PLCH1: variants seen among roughly 807,000 people sequenced by gnomAD.
PLCH1 encodes the protein 1-phosphatidylinositol 4,5-bisphosphate phosphodiesterase eta-1.
PLCH1 carries 60 observed loss-of-function variants against 126.7 expected under a neutral mutation model. That is an observed-to-expected ratio of 0.47 (90% CI 0.38 to 0.59). The LOEUF is 0.59. PLCH1 is among the 20% of genes least tolerant of loss of function. The pLI, the probability that PLCH1 is intolerant of heterozygous loss-of-function variation, is 0.00. For synonymous variants in PLCH1, 719 were observed against 734.9 expected (o/e 0.98, Z 0.35); for missense variants, 1,723 against 2,040.0 (o/e 0.84, Z 2.99).
At chr3:155,565,340 A>G (rs147615703) in intron 7 of PLCH1, among the ~76,000 whole-genome samples, 11 of 152,126 alleles carry the variant, frequency 7.2e-5, no homozygotes, top group Non-Finnish European at 1.6e-4. Context: ...ATAATCCCCT[A>G]TGTTGGAGGT....
At chr3:155,707,856 T>C (rs1462545664) in intron 1 of PLCH1, among the ~76,000 whole-genome samples, 1 of 152,128 alleles carries the variant, frequency 6.6e-6, no homozygotes, top group African/African-American at 2.4e-5. Context: ...ATATATGTAA[T>C]ATTCACATAC....
chr3:155,535,919 A>G (rs1454878551), intron 10 of PLCH1, among the ~76,000 whole-genome samples: 1 of 152,212 alleles, frequency 6.6e-6, no homozygotes, highest in Non-Finnish European at 1.5e-5. Context: ...ACCCTCACAG[A>G]GTCTACTTCA....
At chr3:155,686,888 T>G (rs760862420) in intron 2 of PLCH1, among the ~76,000 whole-genome samples, 2 of 152,200 alleles carry the variant, frequency 1.3e-5, no homozygotes, top group African/African-American at 2.4e-5. Context: ...ATGAACCTTA[T>G]AGTATAACCA....
At chr3:155,501,876 T>C (rs1414699575) in intron 13 of PLCH1, among the ~76,000 whole-genome samples, 1 of 152,148 alleles carries the variant, frequency 6.6e-6, no homozygotes. Flanking sequence ...GAAAATGCAG[T>C]GTCTACAAAC....
intron 1 of PLCH1, among the ~76,000 whole-genome samples, chr3:155,718,617 C>T (rs1747700692): frequency 6.6e-6 from 1 of 152,094 alleles, no homozygotes; most frequent in Non-Finnish European, 1.5e-5. Flanking sequence ...GCAGGTGTCT[C>T]ACATGGCAGA....
At chr3:155,460,380 T>G (rs1712662741) in intron 21 of PLCH1, among the ~76,000 whole-genome samples, 6 of 152,112 alleles carry the variant, frequency 3.9e-5, no homozygotes. Flanking sequence ...TGTCTTGTAG[T>G]TGGAAATGGA....
In PLCH1 at chr3:155,560,700, T is replaced by C. The variant is rs558435206; in HGVS notation, c.1069+4215A>G. Among the ~76,000 whole-genome samples, 344 of 152,298 alleles carry C rather than the reference T, an allele frequency of 2.3e-3. 1 individual carries two copies. The highest frequency in any genetic ancestry group is 4.1e-3 in the Non-Finnish European group (276 of 68,028). On this transcript the variant is annotated intron_variant, in intron 8 of 22. Coordinates refer to ENST00000460012, the MANE Select transcript of PLCH1 (RefSeq NM_014996.4). ...CCAGTTAAGCAGTCTTATCTCATTG[T>C]CCTACTGCTTTATTCATTGCCCTGC...
intron 2 of PLCH1, chr3:155,676,515 G>A (rs534935893): frequency 6.5e-5 from 25 of 382,734 alleles, no homozygotes; most frequent in Non-Finnish European, 7.2e-5. Context: ...TGGGAGTGAC[G>A]CAGACTGAAT....
chr3:155,648,138 G>A (rs1447042325), intron 2 of PLCH1, among the ~76,000 whole-genome samples: 2 of 152,156 alleles, frequency 1.3e-5, no homozygotes, highest in African/African-American at 2.4e-5. Flanking sequence ...AAATCCCCCA[G>A]CTCTAGGGGT....
At chr3:155,580,199 A>G (rs1730491161) in intron 6 of PLCH1, among the ~76,000 whole-genome samples, 1 of 152,230 alleles carries the variant, frequency 6.6e-6, no homozygotes, top group Admixed American at 6.5e-5. Context: ...AATCTTTTAT[A>G]TAGCATTATG....
chr3:155,586,486 C>T (rs995071186), intron 4 of PLCH1, among the ~76,000 whole-genome samples: 1 of 152,044 alleles, frequency 6.6e-6, no homozygotes, highest in Non-Finnish European at 1.5e-5. Flanking sequence ...GCAGGTGGAT[C>T]ACCTGAGGTC....
At chr3:155,511,499 G>A (rs1719483894) in intron 12 of PLCH1, among the ~76,000 whole-genome samples, 1 of 115,800 alleles carries the variant, frequency 8.6e-6, no homozygotes, top group Non-Finnish European at 1.7e-5. Flanking sequence ...TCTACTTTTG[G>A]TCTTTGATGA....
chr3:155,525,088 G>A (rs1026821716), intron 10 of PLCH1, among the ~76,000 whole-genome samples: 2 of 152,176 alleles, frequency 1.3e-5, no homozygotes, highest in African/African-American at 4.8e-5. Flanking sequence ...AGGAGGCCAA[G>A]GCAGGAGGAT....
intron 2 of PLCH1, among the ~76,000 whole-genome samples, chr3:155,631,124 T>C (rs1426343155): frequency 1.3e-5 from 2 of 152,210 alleles, no homozygotes; most frequent in East Asian, 3.8e-4. Context: ...CACCTTTGCC[T>C]GACTTACAGC....
chr3:155,685,546 A>T (rs765934685), intron 2 of PLCH1, among the ~76,000 whole-genome samples: 1 of 152,220 alleles, frequency 6.6e-6, no homozygotes, highest in Non-Finnish European at 1.5e-5. Context: ...GGCATAAAGT[A>T]GTTGGAGACG....
intron 10 of PLCH1, among the ~76,000 whole-genome samples, chr3:155,541,492 T>A (rs1402556447): frequency 6.6e-6 from 1 of 152,110 alleles, no homozygotes; most frequent in Non-Finnish European, 1.5e-5. Context: ...TACTGTTATG[T>A]CTTAGGAAAC....
chr3:155,740,388 TAGAG>T (rs1188521742), intron 1 of PLCH1, among the ~76,000 whole-genome samples: 1 of 129,068 alleles, frequency 7.7e-6, no homozygotes, highest in Non-Finnish European at 1.6e-5. Flanking sequence ...GCCTGGGTGA[TAGAG>T]AGAGACTCTG....
intron 2 of PLCH1, among the ~76,000 whole-genome samples, chr3:155,601,608 T>C (rs1283658512): frequency 6.6e-6 from 1 of 152,156 alleles, no homozygotes; most frequent in Non-Finnish European, 1.5e-5. Context: ...ATGTATGACA[T>C]CTAAGAAGGT....
chr3:155,497,715 GA>G (rs1448904865), intron 14 of PLCH1, among the ~76,000 whole-genome samples: 2 of 151,998 alleles, frequency 1.3e-5, no homozygotes, highest in South Asian at 2.1e-4. Flanking sequence ...CAATTCATGA[GA>G]TTTTTTTTCT....
Sources: gnomAD v4.1 joint callset for allele counts (sites outside exome capture counted in the v4.1 genomes callset) on GRCh38, gnomAD v4.1.1 for gene constraint, MANE v1.5 for transcripts, NCBI Gene and HGNC (gene_info 2026-07-23, HGNC 2026-07-21) for gene names.